FHL2: variants seen among roughly 807,000 people sequenced by gnomAD.
The protein encoded by FHL2 is four and a half LIM domains protein 2.
Under a neutral mutation model 32.7 loss-of-function variants are expected in FHL2, and 20 were observed. The observed-to-expected ratio is 0.61, with a 90% CI of 0.43 to 0.89. The LOEUF is 0.89. Ranked by LOEUF, FHL2 falls within the 40% of genes least tolerant of loss-of-function variation. The probability of loss-of-function intolerance (pLI) is 0.00; values close to 1 mark genes in which losing one functional copy is unlikely to be tolerated. For synonymous variants in FHL2, 123 were observed against 128.1 expected (o/e 0.96, Z 0.27); for missense variants, 311 against 358.6 (o/e 0.87, Z 1.07).
chr2:105,401,055 T>C (rs1386560275), upstream of FHL2, among the ~76,000 whole-genome samples: 1 of 140,954 alleles, frequency 7.1e-6, no homozygotes, highest in Non-Finnish European at 1.5e-5. Context: ...GTATGGATCT[T>C]ATTGGATTCT....
chr2:105,418,370 C>A (rs1683996679), intron 1 of FHL2, among the ~76,000 whole-genome samples: 1 of 151,998 alleles, frequency 6.6e-6, no homozygotes, highest in Admixed American at 6.6e-5. Flanking sequence ...CCAACAGAAA[C>A]CACTTATTTT....
chr2:105,363,230 A>C, intron 6 of FHL2, 55 bp downstream of exon 6: 6 of 1,555,824 alleles, frequency 3.9e-6, no homozygotes, highest in Non-Finnish European at 5.3e-6. Flanking sequence ...CTAAAATGCT[A>C]GGCCTTGTTC....
intron 1 of FHL2, among the ~76,000 whole-genome samples, chr2:105,418,613 C>G (rs115742808): frequency 6.6e-6 from 1 of 152,094 alleles, no homozygotes; most frequent in Non-Finnish European, 1.5e-5. Flanking sequence ...ATAAAGTATG[C>G]GCAGACATAG....
At chr2:105,369,106 T>C (rs1680842933) in intron 4 of FHL2, among the ~76,000 whole-genome samples, 1 of 152,244 alleles carries the variant, frequency 6.6e-6, no homozygotes, top group Non-Finnish European at 1.5e-5. Flanking sequence ...AATATTTATC[T>C]GATTTTTGAA....
chr2:105,400,686 A>ATTTTTTTT (rs57296524), upstream of FHL2, among the ~76,000 whole-genome samples: 36 of 132,856 alleles, frequency 2.7e-4, no homozygotes, highest in African/African-American at 9.9e-4. Context: ...TTATATTTTA[A>ATTTTTTTT]TTTTTTTTTT....
intron 5 of FHL2, among the ~76,000 whole-genome samples, chr2:105,366,178 C>G (rs539827596): frequency 6.6e-6 from 1 of 151,854 alleles, no homozygotes; most frequent in Non-Finnish European, 1.5e-5. Context: ...CCACTGCACT[C>G]CAGCCTGGGC....
chr2:105,392,144 ATC>A (rs972213729), intron 2 of FHL2, among the ~76,000 whole-genome samples: 7 of 152,156 alleles, frequency 4.6e-5, no homozygotes, highest in Non-Finnish European at 8.8e-5. Flanking sequence ...GAAGGCTTTG[ATC>A]TCTGAGTCTC....
chr2:105,381,873 G>A (rs755012291), intron 3 of FHL2, among the ~76,000 whole-genome samples: 29 of 152,076 alleles, frequency 1.9e-4, no homozygotes, highest in Non-Finnish European at 3.7e-4. Flanking sequence ...TGGAGTAGGT[G>A]CTCTTCCCAG....
chr2:105,377,528 G>A (rs1681557107), intron 3 of FHL2, among the ~76,000 whole-genome samples: 1 of 152,156 alleles, frequency 6.6e-6, no homozygotes, highest in Non-Finnish European at 1.5e-5. Flanking sequence ...CTACTCAGGA[G>A]GCTGAGGCAG....
chr2:105,428,578 G>A (rs1047251259), intron 1 of FHL2, among the ~76,000 whole-genome samples: 32 of 152,304 alleles, frequency 2.1e-4, no homozygotes, highest in Admixed American at 5.9e-4. Context: ...GGACAGGCCC[G>A]CCCATGGCTG....
upstream of FHL2, among the ~76,000 whole-genome samples, chr2:105,403,151 G>GC (rs553148764): frequency 7.1e-4 from 108 of 152,322 alleles, no homozygotes; most frequent in African/African-American, 2.5e-3. Flanking sequence ...CATGAAGTAG[G>GC]CCCTTTGTAA....
chr2:105,399,221 C>T, upstream of FHL2: 2 of 1,533,024 alleles, frequency 1.3e-6, no homozygotes, highest in Non-Finnish European at 1.7e-6. Flanking sequence ...CCGGCCCGTA[C>T]CCTTTGTTTG....
upstream of FHL2, chr2:105,399,659 A>C (rs1202445279): frequency 1.4e-6 from 2 of 1,480,702 alleles, no homozygotes; most frequent in Non-Finnish European, 1.8e-6. Context: ...AGGGCGGGAA[A>C]ACCAAAGTGA....
chr2:105,399,537 G>A (rs749270862), upstream of FHL2: 1 of 1,536,118 alleles, frequency 6.5e-7, no homozygotes, highest in South Asian at 1.2e-5. Flanking sequence ...GAACACCACA[G>A]ATGACCATAA....
intron 1 of FHL2, among the ~76,000 whole-genome samples, chr2:105,426,869 T>C (rs182955381): frequency 3.6e-4 from 55 of 152,354 alleles, no homozygotes; most frequent in Non-Finnish European, 6.3e-4. Context: ...AGATCTCTAC[T>C]CACATGGCCC....
chr2:105,375,178 T>C (rs1218217811), intron 3 of FHL2: 1 of 152,256 alleles, frequency 6.6e-6, no homozygotes, highest in East Asian at 1.9e-4. Flanking sequence ...TGTGCACATG[T>C]GTGCATGTAT....
At chr2:105,436,146 C>A (rs952797222) in intron 1 of FHL2, among the ~76,000 whole-genome samples, 10 of 152,048 alleles carry the variant, frequency 6.6e-5, no homozygotes, top group African/African-American at 2.4e-4. Flanking sequence ...TTTTCATCCA[C>A]ATTTTAGTGT....
chr2:105,407,802 G>GCCA (rs1171592059), intron 1 of FHL2, among the ~76,000 whole-genome samples: 1 of 152,052 alleles, frequency 6.6e-6, no homozygotes, highest in Non-Finnish European at 1.5e-5. Context: ...TCCCCCCGCT[G>GCCA]CCACCACCAC....
chr2:105,432,179 C>T (rs1273393491), intron 1 of FHL2, among the ~76,000 whole-genome samples: 1 of 152,238 alleles, frequency 6.6e-6, no homozygotes, highest in Non-Finnish European at 1.5e-5. Context: ...TTTCTCCCCT[C>T]ACTTGGATGA....
Sources: allele counts gnomAD v4.1 joint callset (sites outside exome capture counted in the v4.1 genomes callset), GRCh38; gene constraint gnomAD v4.1.1; transcripts MANE v1.5; gene names NCBI Gene and HGNC (gene_info 2026-07-23, HGNC 2026-07-21).